The following GLIS3 variants were observed in gnomAD, a reference collection of about 807,000 sequenced individuals.
GLIS3 encodes the protein GLIS family zinc finger 3, also known as zinc finger protein GLIS3.
A neutral mutation model predicts 78.6 loss-of-function variants in GLIS3; 53 were observed. That is an observed-to-expected ratio of 0.67 (90% CI 0.54 to 0.85). GLIS3 has a LOEUF of 0.85. Among genes scored for constraint, GLIS3 ranks in the 40% least tolerant of loss-of-function variants. GLIS3 has a pLI of 0.00. For missense variants in GLIS3, 1,703 were observed against 1,231.1 expected (o/e 1.38, Z -5.74); for synonymous variants, 684 against 509.9 (o/e 1.34, Z -4.60).
the GLIS3 span, among the ~76,000 whole-genome samples, chr9:4,456,204 A>C: frequency 6.6e-6 from 1 of 152,236 alleles, no homozygotes; most frequent in Non-Finnish European, 1.5e-5. Flanking sequence ...TAATTTTAAA[A>C]TATTGCTTAA....
At chr9:4,451,367 C>T in the GLIS3 span, among the ~76,000 whole-genome samples, 3 of 152,260 alleles carry the variant, frequency 2.0e-5, no homozygotes, top group East Asian at 5.8e-4. Context: ...TAGAGACCTA[C>T]AAAGAGACTT....
At chr9:4,116,430 A>T (rs974733968) in intron 4 of GLIS3, among the ~76,000 whole-genome samples, 6 of 152,230 alleles carry the variant, frequency 3.9e-5, no homozygotes, top group African/African-American at 1.4e-4. Flanking sequence ...CTCGCAATGT[A>T]TCAGCTTCAG....
rs556456999 is a variant in GLIS3, at chr9:3,862,751, T to G, written c.2298-6567A>C. On this transcript the variant is annotated intron_variant, in intron 8 of 10. Transcript: ENST00000381971. Reference sequence around the variant, plus strand: ...GTATGTGTTCTGGATAGTTTTTCTTTCCCTCCGCCCCCCGTCTCTTCCACG... The same window carrying G: ...GTATGTGTTCTGGATAGTTTTTCTTGCCCTCCGCCCCCCGTCTCTTCCACG... 4.6e-5 allele frequency among the ~76,000 whole-genome samples: 7 copies of G among 152,210 alleles called. No individual in the cohort carries two copies. In the East Asian group the frequency reaches 1.2e-3, roughly 25 times the overall value.
At chr9:4,402,960 G>A in the GLIS3 span, among the ~76,000 whole-genome samples, 1 of 152,100 alleles carries the variant, frequency 6.6e-6, no homozygotes, top group Admixed American at 6.6e-5. Flanking sequence ...ATTCAAGTAT[G>A]AGAAGGTTAA....
At chr9:4,442,465 C>A in the GLIS3 span, among the ~76,000 whole-genome samples, 1 of 152,104 alleles carries the variant, frequency 6.6e-6, no homozygotes, top group African/African-American at 2.4e-5. Flanking sequence ...AAGTTTACCA[C>A]CCTGAGTATT....
At chr9:4,007,831 G>C (rs998026215) in intron 4 of GLIS3, among the ~76,000 whole-genome samples, 2 of 132,094 alleles carry the variant, frequency 1.5e-5, no homozygotes, top group South Asian at 5.0e-4. Context: ...AGCAATCACA[G>C]ACATTCGTAA....
chr9:4,423,460 C>G, the GLIS3 span, among the ~76,000 whole-genome samples: 2 of 152,092 alleles, frequency 1.3e-5, no homozygotes, highest in African/African-American at 2.4e-5. Context: ...CTCCCCCAGA[C>G]CTTTAGAAAA....
intron 2 of GLIS3, among the ~76,000 whole-genome samples, chr9:4,263,491 C>G (rs1209306610): frequency 2.1e-5 from 3 of 139,976 alleles, no homozygotes; most frequent in Non-Finnish European, 4.6e-5. Context: ...AAGTCTAAGA[C>G]AAGCAAAGAT....
rs147452881 is a variant in GLIS3, at chr9:3,849,401, T to A, written c.2473+6608A>T. 2.4e-3 allele frequency among the ~76,000 whole-genome samples: 358 copies of A among 152,322 alleles called. 3 individuals are homozygous for A. Among genetic ancestry groups the A allele is most frequent in the African/African-American group, 8.4e-3 (348 of 41,558 alleles). ...ATCCATCTTCCCTGACCCCTTTGCC[T>A]TGTGACTAAGAGTACGCTTGTCCTT... On this transcript the variant is annotated intron_variant, in intron 9 of 10. Coordinates refer to ENST00000381971, the MANE Select transcript of GLIS3 (RefSeq NM_001042413.2).
chr9:4,125,918 A>C lies in GLIS3; in HGVS notation c.412T>G (p.Cys138Gly). 1 of 1,613,924 alleles carries C rather than the reference A, an allele frequency of 6.2e-7. No individual in the cohort carries two copies. Residue 138 changes from cysteine to glycine, a missense_variant, in exon 3 of 11, where the codon TGC becomes GGC. Cys to Gly is a radical substitution (Grantham distance 159). Transcript: ENST00000381971. ...CAGCTGCCTTTTCCAATGGACTTGCACTGAGGCCCAAAGCCAAGAGCCCCT... is the reference window on the plus strand; with the variant it reads ...CAGCTGCCTTTTCCAATGGACTTGCCCTGAGGCCCAAAGCCAAGAGCCCCT... ...GKGALGFGPQCKSIGKGSCNN... is the reference protein window; with the variant it reads ...GKGALGFGPQGKSIGKGSCNN...
intron 7 of GLIS3, among the ~76,000 whole-genome samples, chr9:3,893,996 C>A (rs1021110040): frequency 2.0e-5 from 3 of 152,108 alleles, no homozygotes; most frequent in African/African-American, 7.2e-5. Flanking sequence ...CTCGGTGGAC[C>A]ATCACAGATG....
chr9:3,870,424 T>C (rs748937693), intron 8 of GLIS3, among the ~76,000 whole-genome samples: 1 of 152,162 alleles, frequency 6.6e-6, no homozygotes, highest in Non-Finnish European at 1.5e-5. Flanking sequence ...ACAACATCCC[T>C]ATATTAGTCT....
At chr9:4,270,945 G>A (rs11788075) in intron 2 of GLIS3, among the ~76,000 whole-genome samples, 21,552 of 149,254 alleles carry the variant, frequency 0.14, 1,647 homozygotes, top group Non-Finnish European at 0.16. Context: ...ATACACAACT[G>A]ACCCTTGAAC....
chr9:4,277,993 T>C (rs1214070356), intron 2 of GLIS3, among the ~76,000 whole-genome samples: 2 of 151,982 alleles, frequency 1.3e-5, no homozygotes. Flanking sequence ...TAGGAACACA[T>C]TCACCTCCGC....
the GLIS3 span, among the ~76,000 whole-genome samples, chr9:4,370,707 A>G: frequency 6.7e-6 from 1 of 149,898 alleles, no homozygotes; most frequent in African/African-American, 2.5e-5. Context: ...TAATAAATAA[A>G]ATATATTATT....
the GLIS3 span, among the ~76,000 whole-genome samples, chr9:4,373,964 C>T: frequency 6.6e-6 from 1 of 152,106 alleles, no homozygotes; most frequent in Admixed American, 6.5e-5. Flanking sequence ...CCGCGCCTGG[C>T]CGAAAATGTA....
At chr9:4,473,460 C>CAAA in the GLIS3 span, among the ~76,000 whole-genome samples, 2 of 131,292 alleles carry the variant, frequency 1.5e-5, no homozygotes, top group Non-Finnish European at 3.3e-5. Context: ...ACAACAACAA[C>CAAA]AAAAAAAAAG....
At chr9:4,049,893 A>G (rs1257603055) in intron 4 of GLIS3, among the ~76,000 whole-genome samples, 3 of 152,106 alleles carry the variant, frequency 2.0e-5, no homozygotes, top group Non-Finnish European at 4.4e-5. Flanking sequence ...CAAAACCACA[A>G]TGAGATACCA....
chr9:4,374,603 C>A, the GLIS3 span, among the ~76,000 whole-genome samples: 3 of 150,526 alleles, frequency 2.0e-5, no homozygotes, highest in Non-Finnish European at 4.4e-5. Context: ...CCCCTTCCTC[C>A]TCTGTGTGGT....
Sources: gnomAD v4.1 joint callset for allele counts (sites outside exome capture counted in the v4.1 genomes callset) on GRCh38, gnomAD v4.1.1 for gene constraint, MANE v1.5 for transcripts, NCBI Gene and HGNC (gene_info 2026-07-23, HGNC 2026-07-21) for gene names.